The following ANKS1B variants were observed in gnomAD, a reference collection of about 807,000 sequenced individuals.
ANKS1B encodes the protein ankyrin repeat and sterile alpha motif domain-containing protein 1B.
Under a neutral mutation model 148.3 loss-of-function variants are expected in ANKS1B, and 36 were observed. The observed-to-expected ratio is 0.24, with a 90% CI of 0.19 to 0.32. ANKS1B has a LOEUF of 0.32. ANKS1B is among the 10% of genes least tolerant of loss of function. ANKS1B has a pLI of 1.00. For synonymous variants in ANKS1B, 542 were observed against 560.8 expected, an observed-to-expected ratio of 0.97 and a Z score of 0.47; for missense variants, 1,157 against 1,542.6, an observed-to-expected ratio of 0.75 and a Z score of 4.19.
At chr12:99,570,708 C>T (rs541895492) in intron 9 of ANKS1B, among the ~76,000 whole-genome samples, 34 of 151,074 alleles carry the variant, frequency 2.3e-4, no homozygotes, top group African/African-American at 7.5e-4. Context: ...ATTGATGAAG[C>T]TGGGTGACTG....
At chr12:98,893,805 C>T (rs374669086) in intron 17 of ANKS1B, 3 of 152,260 alleles carry the variant, frequency 2.0e-5, no homozygotes, top group Admixed American at 2.0e-4. Flanking sequence ...TCTCTGAAAA[C>T]GCGAAACCTT....
chr12:99,165,332 C>G (rs982578585), intron 14 of ANKS1B, among the ~76,000 whole-genome samples: 1 of 151,502 alleles, frequency 6.6e-6, no homozygotes, highest in African/African-American at 2.4e-5. Context: ...TCAATGAAAC[C>G]AAAAGCTGTT....
intron 8 of ANKS1B, among the ~76,000 whole-genome samples, chr12:99,761,006 AC>A (rs2062044678): frequency 1.4e-5 from 2 of 145,252 alleles, no homozygotes; most frequent in Non-Finnish European, 1.5e-5. Flanking sequence ...AGACATTGAA[AC>A]CCTGAATAGA....
intron 16 of ANKS1B, among the ~76,000 whole-genome samples, chr12:99,078,000 A>G (rs1282892916): frequency 6.6e-6 from 1 of 152,182 alleles, no homozygotes; most frequent in Non-Finnish European, 1.5e-5. Flanking sequence ...AGTGTTTATG[A>G]AAGAAACCCA....
intron 12 of ANKS1B, among the ~76,000 whole-genome samples, chr12:99,396,051 C>T (rs1295847447): frequency 6.6e-6 from 1 of 151,906 alleles, no homozygotes; most frequent in Non-Finnish European, 1.5e-5. Flanking sequence ...CTACAGATTT[C>T]AAATAATAGT....
chr12:98,899,640 C>T (rs1013916241), intron 17 of ANKS1B, among the ~76,000 whole-genome samples: 2 of 152,176 alleles, frequency 1.3e-5, no homozygotes, highest in Admixed American at 1.3e-4. Flanking sequence ...CTTGCCTTAG[C>T]TCAGTCTTGT....
At chr12:99,838,866 T>C (rs761944778) in intron 1 of ANKS1B, among the ~76,000 whole-genome samples, 12 of 152,136 alleles carry the variant, frequency 7.9e-5, no homozygotes, top group Non-Finnish European at 1.6e-4. Context: ...ATTACCCCAG[T>C]GAAATGCTTC....
chr12:99,383,083 C>G (rs908123838), intron 12 of ANKS1B, among the ~76,000 whole-genome samples: 2 of 152,124 alleles, frequency 1.3e-5, no homozygotes, highest in African/African-American at 2.4e-5. Context: ...ACTGACTTAC[C>G]TGTAACAACT....
intron 11 of ANKS1B, among the ~76,000 whole-genome samples, chr12:99,434,020 A>T (rs191715213): frequency 4.4e-4 from 67 of 152,270 alleles, no homozygotes; most frequent in East Asian, 1.5e-3. Flanking sequence ...ATAAATAAAT[A>T]AATTAATTAA....
intron 12 of ANKS1B, among the ~76,000 whole-genome samples, chr12:99,353,941 A>G (rs1366659888): frequency 6.6e-6 from 1 of 152,004 alleles, no homozygotes; most frequent in Non-Finnish European, 1.5e-5. Context: ...TTTCTTTTCC[A>G]TTGATGTTAC....
intron 17 of ANKS1B, among the ~76,000 whole-genome samples, chr12:98,981,149 TA>T (rs752582377): frequency 4.0e-5 from 6 of 151,274 alleles, no homozygotes; most frequent in African/African-American, 1.5e-4. Flanking sequence ...CTACTAAAAA[TA>T]AAAAAAATTA....
intron 22 of ANKS1B, among the ~76,000 whole-genome samples, chr12:98,789,208 T>C (rs2098825099): frequency 6.6e-6 from 1 of 152,060 alleles, no homozygotes; most frequent in Non-Finnish European, 1.5e-5. Flanking sequence ...CTGGACGTGG[T>C]GACGGGCGCC....
chr12:99,666,335 G>C (rs2098506653), intron 8 of ANKS1B, among the ~76,000 whole-genome samples: 2 of 152,146 alleles, frequency 1.3e-5, no homozygotes, highest in African/African-American at 4.8e-5. Context: ...AAATTAGCCT[G>C]CTTGGATTCT....
chr12:99,966,494 T>C (rs1476257233), intron 1 of ANKS1B, among the ~76,000 whole-genome samples: 2 of 152,202 alleles, frequency 1.3e-5, no homozygotes, highest in Non-Finnish European at 2.9e-5. Flanking sequence ...TTAGATCTGA[T>C]GTATGATGGG....
At chr12:99,761,721 TA>T (rs1257071646) in intron 8 of ANKS1B, among the ~76,000 whole-genome samples, 2 of 151,948 alleles carry the variant, frequency 1.3e-5, no homozygotes, top group African/African-American at 4.8e-5. Context: ...GAGGAATAAA[TA>T]AAAGGCATCC....
intron 12 of ANKS1B, among the ~76,000 whole-genome samples, chr12:99,256,181 T>G (rs2075241428): frequency 6.6e-6 from 1 of 150,420 alleles, no homozygotes. Flanking sequence ...ACCAGGGAGT[T>G]GGAGGTTGCA....
intron 1 of ANKS1B, among the ~76,000 whole-genome samples, chr12:99,924,683 T>G (rs1013006793): frequency 1.3e-5 from 2 of 152,110 alleles, no homozygotes; most frequent in African/African-American, 4.8e-5. Context: ...AAAAATGACT[T>G]GCATCTTCCA....
chr12:99,683,913 T>A (rs2098635331), intron 8 of ANKS1B, among the ~76,000 whole-genome samples: 1 of 152,124 alleles, frequency 6.6e-6, no homozygotes, highest in African/African-American at 2.4e-5. Context: ...CCAGTATCCC[T>A]TTATGGTTAA....
intron 9 of ANKS1B, among the ~76,000 whole-genome samples, chr12:99,633,625 A>G (rs1297582345): frequency 6.6e-6 from 1 of 152,220 alleles, no homozygotes; most frequent in African/African-American, 2.4e-5. Context: ...TAAAAGCCAA[A>G]ATTGACAAAT....
Sources: allele counts gnomAD v4.1 joint callset (sites outside exome capture counted in the v4.1 genomes callset), GRCh38; gene constraint gnomAD v4.1.1; transcripts MANE v1.5; gene names NCBI Gene and HGNC (gene_info 2026-07-23, HGNC 2026-07-21).